Variants in MED25 observed in about 807,000 individuals in gnomAD.
MED25 encodes mediator of RNA polymerase II transcription subunit 25.
A neutral mutation model predicts 89.4 loss-of-function variants in MED25; 62 were observed. That is an observed-to-expected ratio of 0.69 (90% CI 0.57 to 0.86). The LOEUF (loss-of-function observed/expected upper bound fraction) is 0.86, where lower values mean the gene tolerates loss of function less well. Among genes scored for constraint, MED25 ranks in the 40% least tolerant of loss-of-function variants. The pLI, the probability that MED25 is intolerant of heterozygous loss-of-function variation, is 0.00. For missense variants in MED25, 905 were observed against 1,005.2 expected, an observed-to-expected ratio of 0.90 and a Z score of 1.35; for synonymous variants, 449 against 427.9, an observed-to-expected ratio of 1.05 and a Z score of -0.61.
Position 49,829,248 on chromosome 19 carries a change from C to G in MED25, c.525+158C>G, listed in dbSNP as rs1168256910. On this transcript the variant is annotated intron_variant, in intron 5 of 17. Coordinates refer to ENST00000312865, the MANE Select transcript of MED25 (RefSeq NM_030973.4). The surrounding 1 kb of genome is among the most constrained non-coding windows in gnomAD (Gnocchi z 4.6). ...CGGGGAGGCACTGGGGGCCTGGACT[C>G]AGACACAGAATAGTCACAGACTGGT... 6.6e-6 allele frequency among the ~76,000 whole-genome samples: 1 copy of G among 152,070 alleles called. No homozygotes were observed. The highest frequency in any genetic ancestry group is 6.6e-5 in the Admixed American group (1 of 15,234).
In MED25 at chr19:49,835,085, T is replaced by C. The variant is rs768321880; in HGVS notation, c.1582T>C (p.Tyr528His). Residue 528 changes from tyrosine (Y) to histidine (H), a missense_variant, in exon 14 of 18, where the codon TAC (tyrosine) becomes CAC (histidine). By Grantham distance (83) the Tyr-to-His change is moderately conservative. This residue lies in a region of MED25 where 133 missense variants were observed against 220.2 expected (regional missense o/e 0.60). Coordinates refer to ENST00000312865, the MANE Select transcript of MED25 (RefSeq NM_030973.4). The surrounding 1 kb of genome is among the most constrained non-coding windows in gnomAD (Gnocchi z 6.2). Reference protein sequence around the residue: ...KKKIFMGLIPYDQSGFVNGIR... With the variant: ...KKKIFMGLIPHDQSGFVNGIR... ...GAAGATCTTCATGGGCCTCATCCCCTACGACCAGAGCGGCTTCGTCAACGG... is the reference window on the plus strand; with the variant it reads ...GAAGATCTTCATGGGCCTCATCCCCCACGACCAGAGCGGCTTCGTCAACGG... 1.2e-6 allele frequency: 2 copies of C among 1,614,052 alleles called. No homozygotes were observed. The highest frequency in any genetic ancestry group is 1.1e-5 in the South Asian group (1 of 91,084).
At chr19:49,839,039 C>CG (rs1478028403), downstream of MED25, 1 of 313,408 alleles carries the variant, frequency 3.2e-6, no homozygotes, top group East Asian at 8.5e-5. Flanking sequence ...GGAGATAACT[C>CG]GGGGGATTTA....
intron 12 of MED25, 31 bp from the exon 13 acceptor site, chr19:49,832,277 G>C: frequency 1.3e-6 from 2 of 1,538,266 alleles, no homozygotes; most frequent in Non-Finnish European, 1.8e-6. Flanking sequence ...GCCCACACCA[G>C]CATGCCAGCC....
intron 3 of MED25, among the ~76,000 whole-genome samples, chr19:49,821,392 A>T (rs1180006808): frequency 6.6e-6 from 1 of 152,170 alleles, no homozygotes; most frequent in Non-Finnish European, 1.5e-5. Flanking sequence ...AGCTCAAGCG[A>T]TCCTCCCATC....
chr19:49,832,524 G>A, intron 13 of MED25, 109 bp downstream of exon 13: 1 of 726,962 alleles, frequency 1.4e-6, no homozygotes. Context: ...GTTTTTGATG[G>A]TTGGGTGCAC....
In MED25 at chr19:49,835,806, G is replaced by A. The variant is rs1276784727; in HGVS notation, c.1826G>A (p.Gly609Asp). 4 of 1,608,542 alleles carry A rather than the reference G, an allele frequency of 2.5e-6. No individual in the cohort carries two copies. In the East Asian group the frequency reaches 8.9e-5, roughly 36 times the overall value. The change falls in exon 16 of 18, where the codon GGT (glycine) becomes GAT (aspartate). Residue 609 changes from glycine (G) to aspartate (D), a missense_variant. By Grantham distance (94) the Gly-to-Asp change is moderately conservative. Transcript: ENST00000312865. This position sits in a 1 kb window ranked among gnomAD's most constrained non-coding sequence, Gnocchi z 6.2. ...SGATGQPQPQGTAQPPPGAPQ... is the reference protein window; with the variant it reads ...SGATGQPQPQDTAQPPPGAPQ... ...GCCACGGGGCAGCCCCAGCCCCAAG[G>A]TACTGCCCAGCCCCCGCCAGGTGCC... is the stretch of plus-strand genomic sequence containing the variant.
At position 49,832,403 on chromosome 19, in the gene MED25, G is replaced by A; in HGVS notation, c.1470G>A (p.Met490Ile). ...CTCTCAAAGGCCTCTACCGCATCATGGGCAACGGCTTCGTGAGTCCAGGGC... is the reference window on the plus strand; with the variant it reads ...CTCTCAAAGGCCTCTACCGCATCATAGGCAACGGCTTCGTGAGTCCAGGGC... ...LESLKGLYRI[M>I]GNGFAGCVHF... Residue 490 changes from methionine to isoleucine, a missense_variant, in exon 13 of 18, where the codon ATG becomes ATA. Physicochemically the swap from Met to Ile is conservative, Grantham distance 10. Around this residue, in one of 3 missense-constraint regions of MED25, gnomAD observed 133 missense variants for 220.2 expected, o/e 0.60. Transcript: ENST00000312865. 6.3e-7 allele frequency: 1 copy of A among 1,598,528 alleles called. No homozygotes were observed. The highest frequency in any genetic ancestry group is 8.6e-7 in the Non-Finnish European group (1 of 1,167,446).
In MED25 at chr19:49,830,738, C is replaced by G. The variant is rs2074049685; in HGVS notation, c.952C>G (p.Pro318Ala). The change falls in exon 9 of 18, where the codon CCC (proline) becomes GCC (alanine). Residue 318 changes from proline (P) to alanine (A), a missense_variant. Coordinates refer to ENST00000312865, the MANE Select transcript of MED25 (RefSeq NM_030973.4). This position sits in a 1 kb window ranked among gnomAD's most constrained non-coding sequence, Gnocchi z 4.6. ...CCAACAAGCTGCTCCCGGAGTGGGT[C>G]CCCCCTTCAGCCAGGCCCCAGCTCC... Reference protein sequence around the residue: ...PLQQAAPGVGPPFSQAPAPQL... With the variant: ...PLQQAAPGVGAPFSQAPAPQL... 1 of 1,613,574 alleles carries G rather than the reference C, an allele frequency of 6.2e-7. No homozygotes were observed. Among genetic ancestry groups the G allele is most frequent in the Non-Finnish European group, 8.5e-7 (1 of 1,179,676 alleles).
intron 2 of MED25, chr19:49,818,897 G>C: frequency 1.7e-6 from 1 of 580,068 alleles, no homozygotes; most frequent in African/African-American, 1.9e-5. Flanking sequence ...TGGACTGCTG[G>C]GTCTGAGAAA....
chr19:49,822,435 C>T (rs528580623), intron 3 of MED25, among the ~76,000 whole-genome samples: 1 of 150,386 alleles, frequency 6.6e-6, no homozygotes, highest in Non-Finnish European at 1.5e-5. Context: ...GACCCTGTCT[C>T]AAAAAAAAAT....
At chr19:49,832,685 T>A (rs1483965130) in intron 13 of MED25, among the ~76,000 whole-genome samples, 1 of 152,202 alleles carries the variant, frequency 6.6e-6, no homozygotes, top group Non-Finnish European at 1.5e-5. Flanking sequence ...CTGGCATGGC[T>A]TTATGGGATG....
At chr19:49,818,503 C>T (rs762541413) in intron 1 of MED25, 28 bp downstream of exon 1, 1 of 1,614,224 alleles carries the variant, frequency 6.2e-7, no homozygotes, top group Non-Finnish European at 8.5e-7. Flanking sequence ...GACTCTAACC[C>T]CGCCCTCCCA....
intron 3 of MED25, among the ~76,000 whole-genome samples, chr19:49,826,313 C>T (rs933592129): frequency 1.3e-5 from 2 of 152,194 alleles, no homozygotes; most frequent in Non-Finnish European, 2.9e-5. Flanking sequence ...GCCCTCCAGC[C>T]TGGGAGACAG....
Position 49,830,065 on chromosome 19 carries a change from T to G in MED25, c.689-23T>G, listed in dbSNP as rs774677780. On this transcript the variant is annotated intron_variant, in intron 6 of 17. Coordinates refer to ENST00000312865, the MANE Select transcript of MED25 (RefSeq NM_030973.4). The surrounding 1 kb of genome is among the most constrained non-coding windows in gnomAD (Gnocchi z 4.6). ...CATCTTGAATCCCTTCTCTCTGGGG[T>G]TGGCCATCCCTCCTGCTCTCAGTTG... 1 of 1,601,314 alleles carries G rather than the reference T, an allele frequency of 6.2e-7. No homozygotes were observed. The highest frequency in any genetic ancestry group is 8.5e-7 in the Non-Finnish European group (1 of 1,173,630).
Position 49,830,628 on chromosome 19 carries a change from G to A in MED25, c.907+30G>A. On this transcript the variant is annotated intron_variant, in intron 8 of 17. Transcript: ENST00000312865. The surrounding 1 kb of genome is among the most constrained non-coding windows in gnomAD (Gnocchi z 4.6). ...GTCCTGGAGTGAGGATGAAGGGCGG[G>A]CAGGGGCCAGGCAGGCCTCTCTCCA... The A allele has an allele frequency of 6.2e-7, 1 of 1,613,302 alleles. No homozygotes were observed. The highest frequency in any genetic ancestry group is 8.5e-7 in the Non-Finnish European group (1 of 1,179,268).
chr19:49,828,137 G>A (rs1179441887), intron 3 of MED25, among the ~76,000 whole-genome samples: 1 of 151,904 alleles, frequency 6.6e-6, no homozygotes, highest in East Asian at 1.9e-4. Flanking sequence ...ACTGAGGCAG[G>A]AGAATGGCAT....
Position 49,831,826 on chromosome 19 carries a change from T to C in MED25, c.1231-110T>C. On this transcript the variant is annotated intron_variant, in intron 10 of 17. Transcript: ENST00000312865. This position sits in a 1 kb window ranked among gnomAD's most constrained non-coding sequence, Gnocchi z 5.0. ...AGGAGGGGCCTGGGGCTCATGGGAC[T>C]TAAACTGGGGAACATCCTGAGCTTT... 1 of 1,042,920 alleles carries C rather than the reference T, an allele frequency of 9.6e-7. No individual in the cohort carries two copies. The highest frequency in any genetic ancestry group is 1.5e-6 in the Non-Finnish European group (1 of 671,662). 64.6% of individuals were successfully genotyped at this position (1,042,920 alleles called of 1,614,324 possible). A position where few individuals can be genotyped will look rare whatever the true frequency, so the allele number is the denominator to read the frequency against.
chr19:49,834,965 G>T lies in MED25; in HGVS notation c.1483-21G>T, dbSNP rs760384479. 83 of 1,613,370 alleles carry T rather than the reference G, an allele frequency of 5.1e-5. No individual in the cohort carries two copies. The highest frequency in any genetic ancestry group is 7.0e-5 in the Non-Finnish European group (82 of 1,179,824). On this transcript the variant is annotated intron_variant, in intron 13 of 17. Transcript: ENST00000312865. This position sits in a 1 kb window ranked among gnomAD's most constrained non-coding sequence, Gnocchi z 4.1. ...CCTCTTTCAGGGCCTGAATGGTTCT[G>T]AAGAGCTGTTGTCCACCCAGGCGGG...
In MED25 at chr19:49,836,524, T is replaced by C; in HGVS notation, c.2146+118T>C. The C allele has an allele frequency of 7.9e-7, 1 of 1,265,172 alleles. No individual in the cohort carries two copies. Among genetic ancestry groups the C allele is most frequent in the Non-Finnish European group, 1.1e-6 (1 of 887,018 alleles). The allele number at this position is 1,265,172 out of a possible 1,614,324, so 78.4% of individuals were successfully genotyped here. A position where few individuals can be genotyped will look rare whatever the true frequency, so the allele number is the denominator to read the frequency against. ...AGACATAGGATCCAAGAATGAGGGT[T>C]CCCCCATGGCCTTTGCGGAGCTCTG... On this transcript the variant is annotated intron_variant, in intron 17 of 17. Transcript: ENST00000312865. The surrounding 1 kb of genome is among the most constrained non-coding windows in gnomAD (Gnocchi z 5.1).
Sources: allele counts gnomAD v4.1 joint callset (sites outside exome capture counted in the v4.1 genomes callset), GRCh38; gene constraint gnomAD v4.1.1; regional missense constraint gnomAD v4.1.1; non-coding constraint Gnocchi (gnomAD v3.1); transcripts MANE v1.5; gene names NCBI Gene and HGNC (gene_info 2026-07-23, HGNC 2026-07-21).